Variants in TSPOAP1 observed in about 807,000 individuals in gnomAD.
TSPOAP1 encodes the protein TSPO associated protein 1, also known as peripheral-type benzodiazepine receptor-associated protein 1.
TSPOAP1 carries 87 observed loss-of-function variants against 197.0 expected under a neutral mutation model. The observed-to-expected ratio is 0.44, with a 90% CI of 0.37 to 0.53. The LOEUF is 0.53. Among genes scored for constraint, TSPOAP1 ranks in the 20% least tolerant of loss-of-function variants. The probability of loss-of-function intolerance (pLI) is 0.00; values close to 1 mark genes in which losing one functional copy is unlikely to be tolerated. For synonymous variants in TSPOAP1, 913 were observed against 998.9 expected (o/e 0.91, Z 1.62); for missense variants, 2,174 against 2,411.3 (o/e 0.90, Z 2.06).
In TSPOAP1 at chr17:58,305,179, G is replaced by T; in HGVS notation, c.5434-8C>A. ...TTGTCCATTTAATTCCCCCTGGAGA[G>T]AAGAGGCCGGTGAGACTGAGATCAG... On this transcript the variant is annotated splice_polypyrimidine_tract_variant and splice_region_variant and intron_variant, in intron 29 of 31. Transcript: ENST00000343736. 1.3e-6 allele frequency: 2 copies of T among 1,598,938 alleles called. No individual in the cohort carries two copies. Among genetic ancestry groups the T allele is most frequent in the Non-Finnish European group, 1.7e-6 (2 of 1,166,222 alleles).
At chr17:58,302,501 CT>C in intron 31 of TSPOAP1, 54 bp from the exon 32 acceptor site, 6 of 1,164,172 alleles carry the variant, frequency 5.2e-6, no homozygotes, top group Non-Finnish European at 6.5e-6. Flanking sequence ...TCCTGACCCC[CT>C]GACCCATTTT....
chr17:58,305,696 A>G, intron 27 of TSPOAP1, 53 bp from the exon 28 acceptor site: 2 of 1,375,514 alleles, frequency 1.5e-6, no homozygotes, highest in Non-Finnish European at 2.0e-6. Context: ...CCTACACCCC[A>G]TCCTGTCTTC....
chr17:58,314,981 A>G (rs1971184284), intron 16 of TSPOAP1, among the ~76,000 whole-genome samples: 1 of 152,222 alleles, frequency 6.6e-6, no homozygotes, highest in African/African-American at 2.4e-5. Context: ...GCAGAGTTCA[A>G]ATTCTAGTCA....
At position 58,328,092 on chromosome 17, in the gene TSPOAP1, G is replaced by T; in HGVS notation, c.-172C>A. ...CCACCCACAAAGGAGGCTGCAGAAG[G>T]CGCCAGGGCTGCTGGAGCTGGAGCC... On this transcript the variant is annotated 5_prime_UTR_variant, in exon 1 of 32. Transcript: ENST00000343736. The surrounding 1 kb of genome is among the most constrained non-coding windows in gnomAD (Gnocchi z 4.3). The T allele has an allele frequency of 4.7e-6, 3 of 639,134 alleles. No individual in the cohort carries two copies. Among genetic ancestry groups the T allele is most frequent in the South Asian group, 2.0e-5 (1 of 49,788 alleles). 39.6% of individuals were successfully genotyped at this position (639,134 alleles called of 1,614,324 possible). A position where few individuals can be genotyped will look rare whatever the true frequency, so the allele number is the denominator to read the frequency against.
intron 14 of TSPOAP1, 49 bp from the exon 15 acceptor site, chr17:58,316,589 G>C: frequency 6.7e-7 from 1 of 1,487,690 alleles, no homozygotes; most frequent in South Asian, 1.2e-5. Flanking sequence ...CTGGGGCCAA[G>C]CGCCAAGCAG....
At position 58,309,198 on chromosome 17, in the gene TSPOAP1, G is replaced by C; in HGVS notation, c.4074C>G (p.Gly1358=). The stretch of plus-strand genomic sequence containing the variant: ...GCCCCAGCAATGCAGGTTCAGGCGG[G>C]CCAGGGTCTCGGGAAGAACAGCCTG... ...SGAGCSSRDP[G]PPEPALLGLG... Residue 1358 remains glycine, a synonymous_variant, in exon 22 of 32, where the codon GGC becomes GGG. Coordinates refer to ENST00000343736, the MANE Select transcript of TSPOAP1 (RefSeq NM_004758.4). This position sits in a 1 kb window ranked among gnomAD's most constrained non-coding sequence, Gnocchi z 5.0. 1 of 1,614,072 alleles carries C rather than the reference G, an allele frequency of 6.2e-7. No individual in the cohort carries two copies. Among genetic ancestry groups the C allele is most frequent in the East Asian group, 2.2e-5 (1 of 44,890 alleles).
Position 58,309,220 on chromosome 17 carries a change from C to T in TSPOAP1, c.4052G>A (p.Gly1351Asp). The T allele has an allele frequency of 6.2e-7, 1 of 1,614,026 alleles. No individual in the cohort carries two copies. The highest frequency in any genetic ancestry group is 8.5e-7 in the Non-Finnish European group (1 of 1,179,996). Residue 1351 changes from glycine to aspartate, a missense_variant, in exon 22 of 32, where the codon GGC (glycine) becomes GAC (aspartate). By Grantham distance (94) the Gly-to-Asp change is moderately conservative (BLOSUM62 -1). Transcript: ENST00000343736. This position sits in a 1 kb window ranked among gnomAD's most constrained non-coding sequence, Gnocchi z 5.0. Reference sequence around the variant, plus strand: ...CGGGCCAGGGTCTCGGGAAGAACAGCCTGCCCCTGACTTCTCCTCCTCCTC... The same window carrying T: ...CGGGCCAGGGTCTCGGGAAGAACAGTCTGCCCCTGACTTCTCCTCCTCCTC... ...EDEEEEKSGA[G>D]CSSRDPGPPE...
chr17:58,302,536 G>C, intron 31 of TSPOAP1, 89 bp from the exon 32 acceptor site: 1 of 954,076 alleles, frequency 1.0e-6, no homozygotes, highest in East Asian at 8.5e-5. Flanking sequence ...GGGGCCTGCA[G>C]CCTCCCATGT....
At chr17:58,317,360 C>A (rs957734668) in intron 14 of TSPOAP1, among the ~76,000 whole-genome samples, 2 of 152,196 alleles carry the variant, frequency 1.3e-5, no homozygotes, top group African/African-American at 4.8e-5. Context: ...AGCTCTGGAA[C>A]TCAGAACTTC....
In TSPOAP1 at chr17:58,309,297, AC is replaced by A; in HGVS notation, c.3974del (p.Cys1325LeufsTer75). On this transcript the variant is annotated frameshift_variant, in exon 22 of 32. Coordinates refer to ENST00000343736, the MANE Select transcript of TSPOAP1 (RefSeq NM_004758.4). LOFTEE classifies it high-confidence loss of function. The surrounding 1 kb of genome is among the most constrained non-coding windows in gnomAD (Gnocchi z 5.0). ...CCGGGATGCTAAAGAGCTTCTTGCT[AC>A]AGAACTGCTGGAGGGGCAGCTCCAG... Reference protein sequence around the residue: ...QILELPLQQFCSKKLFSIPEE... With the variant: ...QILELPLQQFXSKKLFSIPEE... 6.2e-7 allele frequency: 1 copy of A among 1,613,654 alleles called. No individual in the cohort carries two copies. The highest frequency in any genetic ancestry group is 8.5e-7 in the Non-Finnish European group (1 of 1,179,944).
chr17:58,317,472 GTCTTC>G lies in TSPOAP1; in HGVS notation c.1872+803_1872+807del, dbSNP rs1451510617. ...GCTGGGGTAGCCTGGGGAACAGGCT[GTCTTC>G]TCTTCTCTGCCAATGCCTGGGAGAA... On this transcript the variant is annotated intron_variant, in intron 14 of 31. Transcript: ENST00000343736. Among the ~76,000 whole-genome samples, 3 of 152,326 alleles carry G rather than the reference GTCTTC, an allele frequency of 2.0e-5. No homozygotes were observed. In the East Asian group the frequency reaches 5.8e-4, roughly 29 times the overall value.
rs1218964183 is a variant in TSPOAP1, at chr17:58,312,327, G to A, written c.2494C>T (p.Arg832Ter). ...GFHICVNGEL[R>*]QALGPGAPPK... Reference sequence around the variant, plus strand: ...GGCGCCCCAGGCCCCAGGGCCTGTCGCAGCTCCCCATTCACACAGATATGG... The same window carrying A: ...GGCGCCCCAGGCCCCAGGGCCTGTCACAGCTCCCCATTCACACAGATATGG... The change falls in exon 17 of 32, where the codon CGA (arginine) becomes TGA (stop). Residue 832 changes from arginine to a stop codon, truncating the protein, a stop_gained. Coordinates refer to ENST00000343736, the MANE Select transcript of TSPOAP1 (RefSeq NM_004758.4). LOFTEE classifies it high-confidence loss of function. The A allele has an allele frequency of 1.2e-6, 2 of 1,612,756 alleles. No homozygotes were observed. The highest frequency in any genetic ancestry group is 8.5e-7 in the Non-Finnish European group (1 of 1,179,786).
At position 58,308,844 on chromosome 17, in the gene TSPOAP1, G is replaced by A. The variant is rs1473050163; in HGVS notation, c.4428C>T (p.Cys1476=). The A allele has an allele frequency of 7.4e-6, 12 of 1,610,908 alleles. No individual in the cohort carries two copies. Among genetic ancestry groups the A allele is most frequent in the African/African-American group, 1.3e-5 (1 of 74,926 alleles). Residue 1476 remains cysteine (C), a synonymous_variant, in exon 22 of 32, where the codon TGC becomes TGT. Coordinates refer to ENST00000343736, the MANE Select transcript of TSPOAP1 (RefSeq NM_004758.4). ...CAGGCTCCAGCGCCCGGCCACGGGAGCACCTCCGGGAAGGGCCCAGCCGGC... is the reference window on the plus strand; with the variant it reads ...CAGGCTCCAGCGCCCGGCCACGGGAACACCTCCGGGAAGGGCCCAGCCGGC... ...GRGRLGPSRR[C]SRGRALEPGL...
At position 58,305,012 on chromosome 17, in the gene TSPOAP1, C is replaced by T. The variant is rs764371374; in HGVS notation, c.5544+49G>A. 4.1e-5 allele frequency: 58 copies of T among 1,404,942 alleles called. 1 individual carries two copies. The South Asian group carries it at 5.5e-4, about 13-fold the overall frequency. 87.0% of individuals were successfully genotyped at this position (1,404,942 alleles called of 1,614,324 possible). On this transcript the variant is annotated intron_variant, in intron 30 of 31. Coordinates refer to ENST00000343736, the MANE Select transcript of TSPOAP1 (RefSeq NM_004758.4). Reference sequence around the variant, plus strand: ...CACTGCCCTGGCCCTACCACCCCACCAGTAGGGTAGACTGCCCTGCCAAGC... The same window carrying T: ...CACTGCCCTGGCCCTACCACCCCACTAGTAGGGTAGACTGCCCTGCCAAGC...
In TSPOAP1 at chr17:58,309,237, C is replaced by CTCCTCCTCG. The variant is rs1567840642; in HGVS notation, c.4026_4034dup (p.Asp1342_Glu1344dup). The CTCCTCCTCG allele has an allele frequency of 1.5e-5, 24 of 1,570,500 alleles. No individual in the cohort carries two copies. The highest frequency in any genetic ancestry group is 2.0e-5 in the Non-Finnish European group (23 of 1,140,898). ...AAGAACAGCCTGCCCCTGACTTCTC[C>CTCCTCCTCG]TCCTCCTCGTCCTCCTCTTCCTCTT... On this transcript the variant is annotated inframe_insertion, in exon 22 of 32. Coordinates refer to ENST00000343736, the MANE Select transcript of TSPOAP1 (RefSeq NM_004758.4). The surrounding 1 kb of genome is among the most constrained non-coding windows in gnomAD (Gnocchi z 5.0).
intron 31 of TSPOAP1, chr17:58,303,164 G>A (rs778110911): frequency 1.3e-5 from 2 of 152,478 alleles, no homozygotes; most frequent in Non-Finnish European, 2.9e-5. Flanking sequence ...CCGCCCAGAC[G>A]GCGCTCCTTA....
chr17:58,319,010 T>A, intron 13 of TSPOAP1, 80 bp downstream of exon 13: 1 of 1,389,610 alleles, frequency 7.2e-7, no homozygotes, highest in Non-Finnish European at 9.5e-7. Flanking sequence ...TTGCTGGCCT[T>A]CTCTGATCCT....
intron 16 of TSPOAP1, among the ~76,000 whole-genome samples, chr17:58,313,825 G>T (rs1210163462): frequency 6.6e-6 from 1 of 152,164 alleles, no homozygotes; most frequent in Non-Finnish European, 1.5e-5. Context: ...AGGAGCCCCA[G>T]CAGGCCTGTG....
Position 58,304,793 on chromosome 17 carries a change from T to C in TSPOAP1, c.5544+268A>G. 1 of 606,634 alleles carries C rather than the reference T, an allele frequency of 1.6e-6. No homozygotes were observed. Among genetic ancestry groups the C allele is most frequent in the Non-Finnish European group, 3.0e-6 (1 of 330,736 alleles). The allele number at this position is 606,634 out of a possible 1,614,324, so 37.6% of individuals were successfully genotyped here. A position where few individuals can be genotyped will look rare whatever the true frequency, so the allele number is the denominator to read the frequency against. On this transcript the variant is annotated intron_variant, in intron 30 of 31. Coordinates refer to ENST00000343736, the MANE Select transcript of TSPOAP1 (RefSeq NM_004758.4). The surrounding 1 kb of genome is among the most constrained non-coding windows in gnomAD (Gnocchi z 4.2). ...TCCTTTTCCACAGGGCCCCCTCACC[T>C]GCGTCAGCCACCAGGTGTTGGCAGC... is the stretch of plus-strand genomic sequence containing the variant.
Sources: gnomAD v4.1 joint callset for allele counts (sites outside exome capture counted in the v4.1 genomes callset) on GRCh38, gnomAD v4.1.1 for gene constraint, Gnocchi (gnomAD v3.1) non-coding constraint, MANE v1.5 for transcripts, NCBI Gene and HGNC (gene_info 2026-07-23, HGNC 2026-07-21) for gene names.